The following ADAMTS5 variants were observed in gnomAD, a reference collection of about 807,000 sequenced individuals.
ADAMTS5 encodes ADAM metallopeptidase with thrombospondin type 1 motif 5.
Under a neutral mutation model 81.4 loss-of-function variants are expected in ADAMTS5, and 54 were observed. That is an observed-to-expected ratio of 0.66 (90% CI 0.53 to 0.83). The LOEUF is 0.83. Ranked by LOEUF, ADAMTS5 falls within the 40% of genes least tolerant of loss-of-function variation. The pLI is 0.00. For missense variants in ADAMTS5, 1,194 were observed against 1,229.9 expected, an observed-to-expected ratio of 0.97 and a Z score of 0.44; for synonymous variants, 532 against 508.8, an observed-to-expected ratio of 1.05 and a Z score of -0.61.
intron 6 of ADAMTS5, 132 bp downstream of exon 6, chr21:26,931,872 A>C (rs1986913601): frequency 1.2e-6 from 1 of 812,354 alleles, no homozygotes; most frequent in Non-Finnish European, 1.8e-6. Flanking sequence ...TATAGAGATG[A>C]AAATAAAAAC....
At chr21:26,924,953 C>A (rs893775949) in intron 7 of ADAMTS5, among the ~76,000 whole-genome samples, 1 of 152,182 alleles carries the variant, frequency 6.6e-6, no homozygotes, top group East Asian at 1.9e-4. Context: ...CTTTACAAAT[C>A]TACTTTCCAT....
At chr21:26,947,374 C>T (rs982462747) in intron 2 of ADAMTS5, among the ~76,000 whole-genome samples, 9 of 151,936 alleles carry the variant, frequency 5.9e-5, no homozygotes, top group Admixed American at 6.6e-5. Context: ...GTCTAATCCA[C>T]GAGTATTTTC....
Position 26,966,331 on chromosome 21 carries a change from C to G in ADAMTS5, c.61G>C (p.Gly21Arg), listed in dbSNP as rs955516830. ...TCCTGGGCAGGTGTCGCGGCGGGGC[C>G]GACCGCGGCCAGGGGCAGGCGGAAC... ...CAFRLPLAAV[G>R]PAATPAQDKA... The change falls in exon 1 of 8, where the codon GGC becomes CGC. Residue 21 changes from glycine (G) to arginine (R), a missense_variant. This residue lies in a region of ADAMTS5 where 498 missense variants were observed against 412.3 expected (regional missense o/e 1.21). Transcript: ENST00000284987. The G allele has an allele frequency of 1.6e-5, 24 of 1,507,740 alleles. No individual in the cohort carries two copies. Among genetic ancestry groups the G allele is most frequent in the Admixed American group, 1.1e-4 (5 of 47,290 alleles). 93.4% of individuals were successfully genotyped at this position (1,507,740 alleles called of 1,614,324 possible). A position where few individuals can be genotyped will look rare whatever the true frequency, so the allele number is the denominator to read the frequency against.
At chr21:26,928,696 T>C (rs193166754) in intron 7 of ADAMTS5, among the ~76,000 whole-genome samples, 2 of 150,768 alleles carry the variant, frequency 1.3e-5, no homozygotes, top group African/African-American at 4.9e-5. Flanking sequence ...TTTCTTTCTC[T>C]CTCTCTCTTT....
chr21:26,964,097 C>T (rs1276119346), intron 1 of ADAMTS5, among the ~76,000 whole-genome samples: 1 of 152,202 alleles, frequency 6.6e-6, no homozygotes, highest in East Asian at 1.9e-4. Flanking sequence ...TGCTTCATTT[C>T]ATACCATGAT....
intron 7 of ADAMTS5, among the ~76,000 whole-genome samples, chr21:26,925,860 A>G (rs1986796787): frequency 6.6e-6 from 1 of 152,240 alleles, no homozygotes; most frequent in Non-Finnish European, 1.5e-5. Context: ...AGCTTCCTAC[A>G]GTGTTGAAGA....
intron 2 of ADAMTS5, among the ~76,000 whole-genome samples, chr21:26,945,352 G>C (rs1478022751): frequency 6.6e-6 from 1 of 152,112 alleles, no homozygotes; most frequent in African/African-American, 2.4e-5. Context: ...GTGTCCCCAA[G>C]TGACCTCTGC....
Position 26,934,707 on chromosome 21 carries a change from G to A in ADAMTS5, c.1448C>T (p.Pro483Leu), listed in dbSNP as rs1310281935. 1 of 1,614,072 alleles carries A rather than the reference G, an allele frequency of 6.2e-7. No homozygotes were observed. Among genetic ancestry groups the A allele is most frequent in the Non-Finnish European group, 8.5e-7 (1 of 1,180,046 alleles). Residue 483 changes from proline (P) to leucine (L), a missense_variant, in exon 4 of 8, where the codon CCC becomes CTC. By Grantham distance (98) the Pro-to-Leu change is moderately conservative. This residue lies in a region of ADAMTS5 where 696 missense variants were observed against 817.6 expected (regional missense o/e 0.85). Coordinates refer to ENST00000284987, the MANE Select transcript of ADAMTS5 (RefSeq NM_007038.5). The stretch of plus-strand genomic sequence containing the variant: ...GTAGGTCTGTCCTGGGAGTTCTTCG[G>A]GGCCCAGGATCTGCTTTCGTGGTAG... ...LDLPRKQILG[P>L]EELPGQTYDA...
rs745755149 is a variant in ADAMTS5, at chr21:26,932,855, G to A, written c.1873+6C>T. 6.2e-7 allele frequency: 1 copy of A among 1,602,326 alleles called. No individual in the cohort carries two copies. The highest frequency in any genetic ancestry group is 8.5e-7 in the Non-Finnish European group (1 of 1,175,852). ...TGATGGTTGCTGACACTTGGGAGCA[G>A]CGTACCATTGGGTGGGCAGGGCATG... On this transcript the variant is annotated splice_donor_region_variant and intron_variant, in intron 5 of 7. Transcript: ENST00000284987.
intron 2 of ADAMTS5, 51 bp downstream of exon 2, chr21:26,954,688 A>C (rs752449206): frequency 6.3e-7 from 1 of 1,598,170 alleles, no homozygotes; most frequent in South Asian, 1.1e-5. Flanking sequence ...TTCCTGTTGC[A>C]GCTGTTACAA....
At chr21:26,952,249 T>G (rs233896) in intron 2 of ADAMTS5, among the ~76,000 whole-genome samples, 54,331 of 152,202 alleles carry the variant, frequency 0.36, 10,099 homozygotes, top group South Asian at 0.46. Context: ...ATTTAGGTTT[T>G]AGTTTTCATA....
chr21:26,934,587 C>A lies in ADAMTS5; in HGVS notation c.1568G>T (p.Arg523Leu). Residue 523 changes from arginine to leucine, a missense_variant, in exon 4 of 8, where the codon CGC (arginine) becomes CTC (leucine). Transcript: ENST00000284987. ...GGTCAGACAGACCATCTGGCCCTGG[C>A]GTACCACAGCACACCACAGGCGAGC... is the stretch of plus-strand genomic sequence containing the variant. Reference protein sequence around the residue: ...VCARLWCAVVRQGQMVCLTKK... With the variant: ...VCARLWCAVVLQGQMVCLTKK... 2 of 1,614,192 alleles carry A rather than the reference C, an allele frequency of 1.2e-6. No individual in the cohort carries two copies. Among genetic ancestry groups the A allele is most frequent in the Non-Finnish European group, 1.7e-6 (2 of 1,180,042 alleles).
rs1355324592 is a variant in ADAMTS5 at position 26,922,703 on chromosome 21, AC to A, written c.*1349del. 1 of 152,502 alleles carries A rather than the reference AC, an allele frequency of 6.6e-6. No individual in the cohort carries two copies. The highest frequency in any genetic ancestry group is 1.9e-4 in the East Asian group (1 of 5,196). The allele number at this position is 152,502 out of a possible 1,614,324, so 9.4% of individuals were successfully genotyped here. On this transcript the variant is annotated 3_prime_UTR_variant, in exon 8 of 8. Coordinates refer to ENST00000284987, the MANE Select transcript of ADAMTS5 (RefSeq NM_007038.5). ...TAAACAGGCTATGGAAACAAAAACA[AC>A]AACTTTCTGAAAATCATCACATGTC...
chr21:26,935,121 AATAATG>A (rs1568842306), intron 3 of ADAMTS5, among the ~76,000 whole-genome samples: 1 of 152,156 alleles, frequency 6.6e-6, no homozygotes, highest in Non-Finnish European at 1.5e-5. Flanking sequence ...TAATAATAAT[AATAATG>A]ATAATGAAGC....
intron 2 of ADAMTS5, among the ~76,000 whole-genome samples, chr21:26,951,660 C>A (rs897756528): frequency 8.9e-6 from 1 of 112,410 alleles, no homozygotes; most frequent in Non-Finnish European, 1.7e-5. Flanking sequence ...GCCTGGGCAA[C>A]AAGAGTGACC....
intron 7 of ADAMTS5, among the ~76,000 whole-genome samples, chr21:26,925,692 T>C (rs1016235317): frequency 2.0e-5 from 3 of 152,224 alleles, no homozygotes; most frequent in East Asian, 3.9e-4. Flanking sequence ...CGTGTGGAGC[T>C]GAACTGTCTC....
At chr21:26,959,405 T>C (rs1226979493) in intron 1 of ADAMTS5, among the ~76,000 whole-genome samples, 1 of 152,134 alleles carries the variant, frequency 6.6e-6, no homozygotes, top group Non-Finnish European at 1.5e-5. Flanking sequence ...CTCAGGGGCA[T>C]TAAATGCTCC....
In ADAMTS5 at chr21:26,924,004, C is replaced by T. The variant is rs377563737; in HGVS notation, c.*49G>A. 2.4e-5 allele frequency: 37 copies of T among 1,519,538 alleles called. No homozygotes were observed. The African/African-American group carries it at 2.6e-4, about 11-fold the overall frequency. The allele number at this position is 1,519,538 out of a possible 1,614,324, so 94.1% of individuals were successfully genotyped here. A position where few individuals can be genotyped will look rare whatever the true frequency, so the allele number is the denominator to read the frequency against. Reference sequence around the variant, plus strand: ...GACCTCCTGTTCACCACGACTGCATCAGTGCTGAATCCTCCAGTTATCTTT... The same window carrying T: ...GACCTCCTGTTCACCACGACTGCATTAGTGCTGAATCCTCCAGTTATCTTT... On this transcript the variant is annotated 3_prime_UTR_variant, in exon 8 of 8. Transcript: ENST00000284987.
chr21:26,932,576 C>T lies in ADAMTS5; in HGVS notation c.1873+285G>A, dbSNP rs574710159. ...AATAGCCAAGTGTGGTGGTGTGCAC[C>T]TGTAATCCCGGCTACTCAGGAAGCT... On this transcript the variant is annotated intron_variant, in intron 5 of 7. Transcript: ENST00000284987. Among the ~76,000 whole-genome samples, 5 of 152,052 alleles carry T rather than the reference C, an allele frequency of 3.3e-5. No individual in the cohort carries two copies. The East Asian group carries it at 7.8e-4, about 24-fold the overall frequency.
Sources: gnomAD v4.1 joint callset for allele counts (sites outside exome capture counted in the v4.1 genomes callset) on GRCh38, gnomAD v4.1.1 for gene constraint, gnomAD v4.1.1 regional missense constraint, MANE v1.5 for transcripts, NCBI Gene and HGNC (gene_info 2026-07-23, HGNC 2026-07-21) for gene names.